The following ABCB7 variants were observed in gnomAD, a reference collection of about 807,000 sequenced individuals.
The protein encoded by ABCB7 is ATP binding cassette subfamily B member 7.
A neutral mutation model predicts 54.4 loss-of-function variants in ABCB7; 7 were observed. The ratio of observed to expected loss-of-function variants is 0.13; its 90% CI spans 0.07 to 0.24. The LOEUF (loss-of-function observed/expected upper bound fraction) is 0.24, where lower values mean the gene tolerates loss of function less well. ABCB7 is among the 10% of genes least tolerant of loss of function. ABCB7 has a pLI of 1.00. For synonymous variants in ABCB7, 218 were observed against 207.1 expected (o/e 1.05, Z -0.45); for missense variants, 356 against 570.4 (o/e 0.62, Z 3.83).
At chrX:75,083,326 C>T (rs1027199240) in intron 4 of ABCB7, among the ~76,000 whole-genome samples, 3 of 111,502 alleles carry the variant, frequency 2.7e-5, no homozygotes, top group Non-Finnish European at 3.8e-5. Flanking sequence ...CTAATGTCCT[C>T]ATGGAGTCAA....
intron 1 of ABCB7, among the ~76,000 whole-genome samples, chrX:75,119,778 T>A (rs746503933): frequency 8.9e-6 from 1 of 112,017 alleles, no homozygotes; most frequent in East Asian, 2.8e-4. Context: ...ATGTTATTAA[T>A]AGTTACAATT....
chrX:75,151,048 C>T (rs1379858742), intron 1 of ABCB7, among the ~76,000 whole-genome samples: 2 of 110,851 alleles, frequency 1.8e-5, no homozygotes, highest in Non-Finnish European at 1.9e-5. Context: ...CCTGAAATTG[C>T]ATGCAAAATG....
chrX:75,062,199 T>C (rs754191715), intron 14 of ABCB7, 129 bp downstream of exon 14: 7 of 542,237 alleles, frequency 1.3e-5, no homozygotes, highest in Admixed American at 3.1e-5. Context: ...AAAAGGGGGA[T>C]AGGCATTTTG....
chrX:75,144,625 T>G lies in ABCB7; in HGVS notation c.168+11480A>C, dbSNP rs1443039330. On this transcript the variant is annotated intron_variant, in intron 1 of 15. Coordinates refer to ENST00000373394, the MANE Select transcript of ABCB7 (RefSeq NM_001271696.3). ...CCTATTAGCATAGCTGCTTTTTTTTTTTTTGGCTTTTCTGTATTTTCTAAT... is the reference window on the plus strand; with the variant it reads ...CCTATTAGCATAGCTGCTTTTTTTTGTTTTGGCTTTTCTGTATTTTCTAAT... Among the ~76,000 whole-genome samples the G allele has an allele frequency of 6.3e-5, 7 of 110,861 alleles. No homozygotes were observed. In the South Asian group the frequency reaches 2.3e-3, roughly 36 times the overall value.
At chrX:75,090,974 T>C (rs2081539972) in intron 4 of ABCB7, among the ~76,000 whole-genome samples, 1 of 111,311 alleles carries the variant, frequency 9.0e-6, no homozygotes. Flanking sequence ...CAATAATTAA[T>C]AACCTTCCAA....
chrX:75,152,141 T>C (rs1367984778), intron 1 of ABCB7, among the ~76,000 whole-genome samples: 1 of 112,341 alleles, frequency 8.9e-6, no homozygotes, highest in Admixed American at 9.4e-5. Flanking sequence ...CAAATTATTG[T>C]TTAATAATTT....
intron 4 of ABCB7, among the ~76,000 whole-genome samples, chrX:75,097,915 A>G (rs1321555897): frequency 8.9e-6 from 1 of 112,020 alleles, no homozygotes; most frequent in Non-Finnish European, 1.9e-5. Flanking sequence ...CAACTTGCTT[A>G]AGGTTACAAG....
intron 3 of ABCB7, among the ~76,000 whole-genome samples, chrX:75,112,524 A>T (rs2081769646): frequency 8.9e-6 from 1 of 111,880 alleles, no homozygotes; most frequent in South Asian, 3.8e-4. Flanking sequence ...CTAAGTGTAT[A>T]GAAGGGGAAA....
intron 1 of ABCB7, among the ~76,000 whole-genome samples, chrX:75,137,441 T>C (rs2082018374): frequency 1.8e-5 from 2 of 112,298 alleles, no homozygotes; most frequent in Non-Finnish European, 3.8e-5. Context: ...GGAATGTAAA[T>C]TAGTTCAGCC....
chrX:75,122,663 A>G (rs1213236291), intron 1 of ABCB7, among the ~76,000 whole-genome samples: 4 of 112,346 alleles, frequency 3.6e-5, no homozygotes, highest in Non-Finnish European at 5.6e-5. Flanking sequence ...CCTTTTCACC[A>G]CATCCTCACC....
chrX:75,075,978 A>G (rs771377632), intron 5 of ABCB7, among the ~76,000 whole-genome samples: 2 of 111,376 alleles, frequency 1.8e-5, no homozygotes, highest in African/African-American at 6.5e-5. Context: ...ATAACAAGTG[A>G]TAAAATTGAG....
chrX:75,089,329 T>G (rs946135343), intron 4 of ABCB7, among the ~76,000 whole-genome samples: 1 of 111,630 alleles, frequency 9.0e-6, no homozygotes, highest in African/African-American at 3.2e-5. Context: ...AACAGATAAG[T>G]TTCTTCAAAA....
intron 3 of ABCB7, among the ~76,000 whole-genome samples, chrX:75,104,516 C>T (rs2081672212): frequency 9.1e-6 from 1 of 110,103 alleles, no homozygotes; most frequent in African/African-American, 3.3e-5. Context: ...ATACAGAACC[C>T]ACCAACAATG....
At chrX:75,112,764 TAGA>T in intron 3 of ABCB7, 119 bp downstream of exon 3, 3 of 542,069 alleles carry the variant, frequency 5.5e-6, no homozygotes, top group Admixed American at 2.8e-5. Flanking sequence ...TTTTTTTCAT[TAGA>T]GAACATGCAG....
intron 1 of ABCB7, among the ~76,000 whole-genome samples, chrX:75,136,935 A>G (rs182222846): frequency 1.8e-5 from 2 of 112,381 alleles, no homozygotes; most frequent in East Asian, 5.5e-4. Flanking sequence ...TAAACTCTGG[A>G]AGACAACCTA....
intron 4 of ABCB7, among the ~76,000 whole-genome samples, chrX:75,085,557 G>A (rs1453884483): frequency 9.1e-6 from 1 of 110,488 alleles, no homozygotes; most frequent in Non-Finnish European, 1.9e-5. Flanking sequence ...AAAAATTATG[G>A]AACTGTATAC....
At position 75,129,606 on chromosome X, in the gene ABCB7, A is replaced by AAT. The variant is rs200770704; in HGVS notation, c.169-14777_169-14776dup. 1.2e-3 allele frequency among the ~76,000 whole-genome samples: 125 copies of AAT among 105,012 alleles called. 1 individual carries two copies. The highest frequency in any genetic ancestry group is 3.0e-3 in the South Asian group (7 of 2,371). 91.2% of individuals were successfully genotyped at this position (105,012 alleles called of 115,157 possible). ...AACTTAAAGTATAATAAATATATAT[A>AAT]ATATATATATATATATTTTGACTAC... On this transcript the variant is annotated intron_variant, in intron 1 of 15. Transcript: ENST00000373394.
At position 75,069,140 on chromosome X, in the gene ABCB7, A is replaced by G. The variant is rs761536434; in HGVS notation, c.1530-4T>C. 1.7e-6 allele frequency: 2 copies of G among 1,210,593 alleles called. No individual in the cohort carries two copies. The highest frequency in any genetic ancestry group is 1.1e-6 in the Non-Finnish European group (1 of 894,455). On this transcript the variant is annotated splice_polypyrimidine_tract_variant and splice_region_variant and intron_variant, in intron 11 of 15. Transcript: ENST00000373394. ...TAGCCTCACTATTGTGCTTTTCCTG[A>G]AATTGGAGATGAAGAAAGGTTATTT...
intron 10 of ABCB7, among the ~76,000 whole-genome samples, chrX:75,069,703 G>A (rs2081349079): frequency 9.1e-6 from 1 of 109,926 alleles, no homozygotes; most frequent in South Asian, 4.0e-4. Context: ...GGAGGGAGAA[G>A]GGATAATGGG....
Sources: gnomAD v4.1 joint callset for allele counts (sites outside exome capture counted in the v4.1 genomes callset) on GRCh38, gnomAD v4.1.1 for gene constraint, MANE v1.5 for transcripts, NCBI Gene and HGNC (gene_info 2026-07-23, HGNC 2026-07-21) for gene names.